Variants in EPM2A observed in about 807,000 individuals in gnomAD.
EPM2A encodes laforin.
Under a neutral mutation model 26.5 loss-of-function variants are expected in EPM2A, and 21 were observed. That is an observed-to-expected ratio of 0.79 (90% CI 0.56 to 1.14). The LOEUF is 1.14. EPM2A is among the 50% of genes most tolerant of loss of function. The pLI, the probability that EPM2A is intolerant of heterozygous loss-of-function variation, is 0.00. For synonymous variants in EPM2A, 217 were observed against 177.6 expected, an observed-to-expected ratio of 1.22 and a Z score of -1.76; for missense variants, 458 against 440.8, an observed-to-expected ratio of 1.04 and a Z score of -0.35.
intron 2 of EPM2A, among the ~76,000 whole-genome samples, chr6:145,582,301 G>A (rs995570352): frequency 6.6e-6 from 1 of 152,138 alleles, no homozygotes; most frequent in Non-Finnish European, 1.5e-5. Flanking sequence ...TGGTACAAGA[G>A]TGTGGTTGGT....
intron 2 of EPM2A, chr6:145,638,745 TG>T (rs1776874071): frequency 7.5e-6 from 1 of 134,140 alleles, no homozygotes; most frequent in African/African-American, 4.0e-5. Context: ...AGACAAAGAC[TG>T]GGCCTGTTGG....
At chr6:145,411,466 C>G (rs1267550776) in intron 4 of EPM2A, among the ~76,000 whole-genome samples, 1 of 151,838 alleles carries the variant, frequency 6.6e-6, no homozygotes, top group African/African-American at 2.4e-5. Context: ...TGCACTCAGA[C>G]AAAATGTGAT....
At chr6:145,527,295 A>T (rs1780289041) in intron 2 of EPM2A, among the ~76,000 whole-genome samples, 1 of 152,080 alleles carries the variant, frequency 6.6e-6, no homozygotes, top group South Asian at 2.1e-4. Context: ...GTAAATGTCT[A>T]TTAAGTTTAA....
At chr6:145,700,100 C>T (rs1479876706) in intron 1 of EPM2A, among the ~76,000 whole-genome samples, 2 of 152,050 alleles carry the variant, frequency 1.3e-5, no homozygotes, top group African/African-American at 2.4e-5. Context: ...ATTTGACCAC[C>T]TAATTTGATG....
chr6:145,707,964 T>C (rs751444678), intron 1 of EPM2A, among the ~76,000 whole-genome samples: 4 of 152,170 alleles, frequency 2.6e-5, no homozygotes, highest in Non-Finnish European at 5.9e-5. Context: ...TTGACCAAAA[T>C]GCTCATAGTG....
chr6:145,419,187 C>A (rs369069371), intron 4 of EPM2A, among the ~76,000 whole-genome samples: 47 of 150,464 alleles, frequency 3.1e-4, no homozygotes, highest in South Asian at 4.3e-4. Context: ...ATGTCCCCCC[C>A]CCCCGCTCCT....
At chr6:145,618,959 C>T (rs967815342) in intron 2 of EPM2A, among the ~76,000 whole-genome samples, 3 of 152,116 alleles carry the variant, frequency 2.0e-5, no homozygotes, top group African/African-American at 7.2e-5. Flanking sequence ...GAAGCTTTAA[C>T]AATCCAGGTC....
At chr6:145,502,541 C>A (rs972868378) in exon 3 of EPM2A, 21 of 470,530 alleles carry the variant, frequency 4.5e-5, no homozygotes, top group Non-Finnish European at 6.2e-5. Flanking sequence ...CTTCCCACAT[C>A]CCCGAGCAGC....
chr6:145,415,081 T>C (rs6911314), intron 4 of EPM2A, among the ~76,000 whole-genome samples: 8,690 of 152,202 alleles, frequency 0.057, 832 homozygotes, highest in African/African-American at 0.2. Flanking sequence ...GTCACTTTAG[T>C]CATAATCACC....
chr6:145,495,073 T>C (rs2114744989), intron 4 of EPM2A, among the ~76,000 whole-genome samples: 1 of 152,256 alleles, frequency 6.6e-6, no homozygotes, highest in South Asian at 2.1e-4. Flanking sequence ...AATCTAACAT[T>C]GTTAGTGGGA....
intron 4 of EPM2A, among the ~76,000 whole-genome samples, chr6:145,438,342 T>TC (rs1779015954): frequency 6.6e-6 from 1 of 152,108 alleles, no homozygotes; most frequent in South Asian, 2.1e-4. Flanking sequence ...TGCTTATCTC[T>TC]CCCCTGAGTT....
chr6:145,697,873 A>G (rs1781698652), intron 1 of EPM2A, among the ~76,000 whole-genome samples: 1 of 152,132 alleles, frequency 6.6e-6, no homozygotes, highest in Non-Finnish European at 1.5e-5. Flanking sequence ...CAATTTGTGC[A>G]GTTAACGCAA....
At chr6:145,561,252 G>T (rs989095002) in intron 2 of EPM2A, among the ~76,000 whole-genome samples, 6 of 150,944 alleles carry the variant, frequency 4.0e-5, no homozygotes, top group Non-Finnish European at 8.8e-5. Context: ...GTTTGTAACC[G>T]AGGAGCAATA....
chr6:145,470,730 A>G (rs913098585), intron 4 of EPM2A, among the ~76,000 whole-genome samples: 2 of 152,180 alleles, frequency 1.3e-5, no homozygotes, highest in East Asian at 3.8e-4. Context: ...TGGAAGATAC[A>G]CTTTATGCAC....
chr6:145,586,096 T>C (rs1208480909), intron 2 of EPM2A, among the ~76,000 whole-genome samples: 1 of 152,056 alleles, frequency 6.6e-6, no homozygotes, highest in Admixed American at 6.5e-5. Flanking sequence ...ACTCAAGGAG[T>C]CTCCTAGGCT....
chr6:145,621,839 T>C (rs1212467266), downstream of EPM2A, among the ~76,000 whole-genome samples: 5 of 152,212 alleles, frequency 3.3e-5, no homozygotes, highest in Admixed American at 3.3e-4. Flanking sequence ...CATTTGGATA[T>C]TAACTCCTTA....
chr6:145,537,168 C>T (rs942689556), intron 2 of EPM2A, among the ~76,000 whole-genome samples: 5 of 152,162 alleles, frequency 3.3e-5, no homozygotes, highest in Admixed American at 6.5e-5. Context: ...GTTTAACTCT[C>T]TACAAGTCTG....
intron 4 of EPM2A, among the ~76,000 whole-genome samples, chr6:145,422,700 G>T (rs1778804822): frequency 6.6e-6 from 1 of 151,930 alleles, no homozygotes; most frequent in African/African-American, 2.4e-5. Flanking sequence ...ATGTGAAATT[G>T]ATTTTTTTCT....
downstream of EPM2A, among the ~76,000 whole-genome samples, chr6:145,496,728 A>ATGTTTTGTTTTTTTTTTTTTTTT (rs779194973): frequency 9.4e-6 from 1 of 106,908 alleles, no homozygotes; most frequent in African/African-American, 3.4e-5. Context: ...AGTTCCTGCA[A>ATGTTTTGTTTTTTTTTTTTTTTT]TTTTTTTTTT....
Sources: allele counts gnomAD v4.1 joint callset (sites outside exome capture counted in the v4.1 genomes callset), GRCh38; gene constraint gnomAD v4.1.1; transcripts MANE v1.5; gene names NCBI Gene and HGNC (gene_info 2026-07-23, HGNC 2026-07-21).